Variants in MAN1C1 observed in about 807,000 individuals in gnomAD.
MAN1C1 encodes the protein mannosyl-oligosaccharide 1,2-alpha-mannosidase IC.
MAN1C1 carries 49 observed loss-of-function variants against 71.5 expected under a neutral mutation model. The observed-to-expected ratio is 0.69, with a 90% confidence interval of 0.54 to 0.87. The LOEUF (loss-of-function observed/expected upper bound fraction) is 0.87, where lower values mean the gene tolerates loss of function less well. MAN1C1 is among the 40% of genes least tolerant of loss of function. The pLI is 0.00. For missense variants in MAN1C1, 743 were observed against 835.0 expected (o/e 0.89, Z 1.36); for synonymous variants, 352 against 343.7 (o/e 1.02, Z -0.27).
At chr1:25,700,296 C>G (rs1453560144) in intron 2 of MAN1C1, among the ~76,000 whole-genome samples, 1 of 152,202 alleles carries the variant, frequency 6.6e-6, no homozygotes, top group Non-Finnish European at 1.5e-5. Flanking sequence ...ACCCTGGCTC[C>G]CTGCCTTCCT....
intron 1 of MAN1C1, among the ~76,000 whole-genome samples, chr1:25,623,256 A>G (rs2045242282): frequency 6.6e-6 from 1 of 152,210 alleles, no homozygotes. Flanking sequence ...CCTACCAGGT[A>G]TACAACTTAA....
intron 7 of MAN1C1, among the ~76,000 whole-genome samples, chr1:25,766,321 T>C (rs142822065): frequency 6.6e-6 from 1 of 152,086 alleles, no homozygotes; most frequent in Non-Finnish European, 1.5e-5. Context: ...CCCGGGGTCA[T>C]CTCAGGTTTC....
intron 2 of MAN1C1, among the ~76,000 whole-genome samples, chr1:25,719,860 T>C (rs1037531724): frequency 2.0e-5 from 3 of 152,210 alleles, no homozygotes; most frequent in Admixed American, 6.5e-5. Flanking sequence ...CCTGGCTTAG[T>C]GCAACCTCCG....
chr1:25,782,424 ATTTGACC>A lies in MAN1C1; in HGVS notation c.1651-158_1651-152del, dbSNP rs2047707873. 6.6e-6 allele frequency among the ~76,000 whole-genome samples: 1 copy of A among 152,098 alleles called. No individual in the cohort carries two copies. The highest frequency in any genetic ancestry group is 2.1e-4 in the South Asian group (1 of 4,830). On this transcript the variant is annotated intron_variant, in intron 10 of 11. Transcript: ENST00000374332. The surrounding 1 kb of genome is among the most constrained non-coding windows in gnomAD (Gnocchi z 4.4). ...CAGGTGGCTAAACCCCGAAAGAATA[ATTTGACC>A]TTCTGTTCCCACAAATGCCAGGAGT...
Position 25,769,285 on chromosome 1 carries a change from A to C in MAN1C1, c.1142-2372A>C, listed in dbSNP as rs1198578017. Among the ~76,000 whole-genome samples, 1 of 150,506 alleles carries C rather than the reference A, an allele frequency of 6.6e-6. No individual in the cohort carries two copies. Among genetic ancestry groups the C allele is most frequent in the East Asian group, 2.0e-4 (1 of 5,108 alleles). ...ACACACTCTCCCTACACACACATCC[A>C]CACACCCATACCCCTCAGCACACAC... On this transcript the variant is annotated intron_variant, in intron 7 of 11. Transcript: ENST00000374332. This position sits in a 1 kb window ranked among gnomAD's most constrained non-coding sequence, Gnocchi z 4.8.
At chr1:25,658,912 T>C (rs1328011771) in intron 1 of MAN1C1, 1 of 152,496 alleles carries the variant, frequency 6.6e-6, no homozygotes, top group African/African-American at 2.4e-5. Context: ...CCTGCTTGCT[T>C]ATGTTGCCTG....
At position 25,763,874 on chromosome 1, in the gene MAN1C1, G is replaced by A; in HGVS notation, c.1048G>A (p.Val350Ile). 1 of 1,613,740 alleles carries A rather than the reference G, an allele frequency of 6.2e-7. No individual in the cohort carries two copies. The highest frequency in any genetic ancestry group is 8.5e-7 in the Non-Finnish European group (1 of 1,179,902). ...TCACCTGGTGTCCGTCTCTCGGCAG[G>A]TCAGGAACATCCGCAAGGTCCTCAG... ...LSGNQVFAEK[V>I]RNIRKVLRKI... The change falls in exon 7 of 12, where the codon GTC (valine) becomes ATC (isoleucine). Residue 350 changes from valine to isoleucine, a missense_variant and splice_region_variant. Val to Ile is a conservative substitution (Grantham distance 29). Coordinates refer to ENST00000374332, the MANE Select transcript of MAN1C1 (RefSeq NM_020379.4).
At chr1:25,723,140 G>A (rs998131022) in intron 2 of MAN1C1, among the ~76,000 whole-genome samples, 2 of 152,146 alleles carry the variant, frequency 1.3e-5, no homozygotes, top group Non-Finnish European at 2.9e-5. Flanking sequence ...GGGCAAGAGG[G>A]CAAAGGTGGG....
At position 25,778,958 on chromosome 1, in the gene MAN1C1, G is replaced by C. The variant is rs1302047038; in HGVS notation, c.1477+634G>C. ...CACAGAGAAGTGGAGTCAGCCCAGA[G>C]AGGGGAAGTGACTTAGCCAAAGTCA... On this transcript the variant is annotated intron_variant, in intron 9 of 11. Transcript: ENST00000374332. This position sits in a 1 kb window ranked among gnomAD's most constrained non-coding sequence, Gnocchi z 5.5. Among the ~76,000 whole-genome samples the C allele has an allele frequency of 6.6e-6, 1 of 152,064 alleles. No individual in the cohort carries two copies. Among genetic ancestry groups the C allele is most frequent in the Admixed American group, 6.5e-5 (1 of 15,278 alleles).
rs962022365 is a variant in MAN1C1, at chr1:25,764,094, C to T, written c.1141+127C>T. ...AGAGCCATGCAGCCAGCAAGGCATT[C>T]GCTCGGTGCTCCTGGACACCACCTG... On this transcript the variant is annotated intron_variant, in intron 7 of 11. Transcript: ENST00000374332. This position sits in a 1 kb window ranked among gnomAD's most constrained non-coding sequence, Gnocchi z 4.4. 2.7e-5 allele frequency: 20 copies of T among 738,574 alleles called. No homozygotes were observed. Among genetic ancestry groups the T allele is most frequent in the African/African-American group, 1.6e-4 (9 of 57,428 alleles). The allele number at this position is 738,574 out of a possible 1,614,324, so 45.8% of individuals were successfully genotyped here.
chr1:25,663,159 T>C (rs1310697523), intron 1 of MAN1C1, among the ~76,000 whole-genome samples: 1 of 148,154 alleles, frequency 6.7e-6, no homozygotes, highest in African/African-American at 2.4e-5. Flanking sequence ...TACATGTATA[T>C]ATATTTTATT....
chr1:25,758,458 A>T, intron 5 of MAN1C1, 134 bp from the exon 6 acceptor site: 1 of 716,974 alleles, frequency 1.4e-6, no homozygotes, highest in Non-Finnish European at 2.4e-6. Context: ...GATTCACTGA[A>T]ATTGTACGGC....
chr1:25,631,256 C>T lies in MAN1C1; in HGVS notation c.540+12919C>T, dbSNP rs148380902. Among the ~76,000 whole-genome samples the T allele has an allele frequency of 6.4e-3, 970 of 152,316 alleles. 2 individuals are homozygous for T. The highest frequency in any genetic ancestry group is 0.021 in the African/African-American group (853 of 41,572). ...GTGCTAGGATTACAGGCATGAGCCA[C>T]CGCACCCAGCCCAGTGCTATGTTTA... On this transcript the variant is annotated intron_variant, in intron 1 of 11. Transcript: ENST00000374332. This position sits in a 1 kb window ranked among gnomAD's most constrained non-coding sequence, Gnocchi z 4.2.
chr1:25,706,042 G>A (rs1169675527), intron 2 of MAN1C1, among the ~76,000 whole-genome samples: 2 of 152,208 alleles, frequency 1.3e-5, no homozygotes, highest in Admixed American at 1.3e-4. Context: ...TGGAGAGGTT[G>A]GGTACCTTGT....
intron 7 of MAN1C1, among the ~76,000 whole-genome samples, chr1:25,767,525 TACAC>T (rs1231440136): frequency 9.9e-6 from 1 of 101,006 alleles, no homozygotes; most frequent in African/African-American, 4.0e-5. Flanking sequence ...ACATACTACA[TACAC>T]TCCTACACAC....
chr1:25,716,593 G>C (rs973014778), intron 2 of MAN1C1, among the ~76,000 whole-genome samples: 4 of 152,106 alleles, frequency 2.6e-5, no homozygotes, highest in Non-Finnish European at 4.4e-5. Context: ...TCCCAAACAG[G>C]CATAAGCCAC....
At chr1:25,664,843 C>A (rs1444140969) in intron 1 of MAN1C1, among the ~76,000 whole-genome samples, 1 of 152,240 alleles carries the variant, frequency 6.6e-6, no homozygotes. Flanking sequence ...ATTGGACATG[C>A]TGGTGGCCCA....
chr1:25,722,076 T>G (rs1050551257), intron 2 of MAN1C1, among the ~76,000 whole-genome samples: 2 of 152,236 alleles, frequency 1.3e-5, no homozygotes, highest in Non-Finnish European at 2.9e-5. Flanking sequence ...AAGATGGAAG[T>G]CATTTTCCCT....
Position 25,711,607 on chromosome 1 carries a change from T to C in MAN1C1, c.637+25071T>C, listed in dbSNP as rs1318445416. Among the ~76,000 whole-genome samples, 1 of 152,226 alleles carries C rather than the reference T, an allele frequency of 6.6e-6. No individual in the cohort carries two copies. The highest frequency in any genetic ancestry group is 1.9e-4 in the East Asian group (1 of 5,190). On this transcript the variant is annotated intron_variant, in intron 2 of 11. Coordinates refer to ENST00000374332, the MANE Select transcript of MAN1C1 (RefSeq NM_020379.4). The surrounding 1 kb of genome is among the most constrained non-coding windows in gnomAD (Gnocchi z 4.3). Reference sequence around the variant, plus strand: ...TATTGAAGCACTCATTCTGCATGTATTGAGCACCACTGTGTGCCAGGCCCT... The same window carrying C: ...TATTGAAGCACTCATTCTGCATGTACTGAGCACCACTGTGTGCCAGGCCCT...
Sources: gnomAD v4.1 joint callset for allele counts (sites outside exome capture counted in the v4.1 genomes callset) on GRCh38, gnomAD v4.1.1 for gene constraint, Gnocchi (gnomAD v3.1) non-coding constraint, MANE v1.5 for transcripts, NCBI Gene and HGNC (gene_info 2026-07-23, HGNC 2026-07-21) for gene names.